The following COX10 variants were observed in gnomAD, a reference collection of about 807,000 sequenced individuals.
COX10 encodes the protein protoheme IX farnesyltransferase, mitochondrial.
In COX10, 27 loss-of-function variants were observed where a neutral mutation model predicts 37.3. That is an observed-to-expected ratio of 0.72 (90% CI 0.53 to 1.00). The LOEUF is 1.00. COX10 is among the 50% of genes least tolerant of loss of function. COX10 has a pLI of 0.00. For synonymous variants in COX10, 222 were observed against 229.1 expected (o/e 0.97, Z 0.28); for missense variants, 475 against 563.2 (o/e 0.84, Z 1.59).
rs1915856335 is a variant in COX10, at chr17:14,104,775, G to A, written c.624+2533G>A. 2.0e-5 allele frequency among the ~76,000 whole-genome samples: 3 copies of A among 152,044 alleles called. No homozygotes were observed. The South Asian group carries it at 6.2e-4, about 31-fold the overall frequency. ...AAAGCTGTTTTTACTTTTGTTTTAA[G>A]GAGAGAAAATGAAATTCAGCTTCTG... On this transcript the variant is annotated intron_variant, in intron 4 of 6. Transcript: ENST00000261643.
At chr17:14,203,827 T>A (rs1288035493) in intron 6 of COX10, among the ~76,000 whole-genome samples, 1 of 152,192 alleles carries the variant, frequency 6.6e-6, no homozygotes, top group Non-Finnish European at 1.5e-5. Flanking sequence ...ACTTAAAAGA[T>A]CCTCATTACC....
At chr17:14,199,945 G>C (rs1346603085) in intron 6 of COX10, among the ~76,000 whole-genome samples, 4 of 152,172 alleles carry the variant, frequency 2.6e-5, no homozygotes, top group Non-Finnish European at 5.9e-5. Context: ...GCCAGTCATG[G>C]AGCAGACGCG....
intron 4 of COX10, among the ~76,000 whole-genome samples, chr17:14,154,376 A>T (rs183178987): frequency 6.6e-5 from 10 of 152,326 alleles, no homozygotes; most frequent in Non-Finnish European, 1.0e-4. Flanking sequence ...TGACATTGCT[A>T]TGTTGTAAAA....
At chr17:14,192,309 C>A in intron 6 of COX10, 88 bp downstream of exon 6, 2 of 1,613,808 alleles carry the variant, frequency 1.2e-6, no homozygotes, top group South Asian at 1.1e-5. Context: ...GGTTCGATTC[C>A]ATTCCATCCC....
At chr17:14,086,410 A>G (rs951741829) in intron 3 of COX10, among the ~76,000 whole-genome samples, 31 of 152,098 alleles carry the variant, frequency 2.0e-4, no homozygotes, top group African/African-American at 7.2e-4. Flanking sequence ...TCTATTCACA[A>G]AGAGTTTGTG....
At chr17:14,096,515 A>G (rs1166277603) in intron 3 of COX10, among the ~76,000 whole-genome samples, 2 of 151,568 alleles carry the variant, frequency 1.3e-5, no homozygotes, top group Non-Finnish European at 2.9e-5. Context: ...GCTATGACTA[A>G]AGGCACATGC....
intron 6 of COX10, among the ~76,000 whole-genome samples, chr17:14,195,545 C>G (rs1052877662): frequency 6.6e-6 from 1 of 152,222 alleles, no homozygotes; most frequent in Non-Finnish European, 1.5e-5. Flanking sequence ...AGAATGTTCA[C>G]TTAGACCGTA....
At chr17:14,184,542 A>G (rs1597541495) in intron 5 of COX10, among the ~76,000 whole-genome samples, 1 of 152,244 alleles carries the variant, frequency 6.6e-6, no homozygotes, top group Non-Finnish European at 1.5e-5. Flanking sequence ...CACTTGCTCC[A>G]TCTTGCCCTT....
intron 3 of COX10, among the ~76,000 whole-genome samples, chr17:14,098,725 T>C (rs1915706339): frequency 6.6e-6 from 1 of 152,198 alleles, no homozygotes; most frequent in African/African-American, 2.4e-5. Context: ...ACTACTGTTT[T>C]CAGAGTCAGT....
chr17:14,197,444 C>T (rs1597547770), intron 6 of COX10, among the ~76,000 whole-genome samples: 1 of 152,266 alleles, frequency 6.6e-6, no homozygotes, highest in East Asian at 1.9e-4. Context: ...TTTCCCCCCA[C>T]AACTACTTTG....
intron 4 of COX10, among the ~76,000 whole-genome samples, chr17:14,114,485 T>C (rs2142208347): frequency 6.6e-6 from 1 of 152,212 alleles, no homozygotes; most frequent in South Asian, 2.1e-4. Context: ...TATAGGTTAG[T>C]ATAATAGTAA....
chr17:14,167,818 C>T lies in COX10; in HGVS notation c.695+7871C>T, dbSNP rs555160631. ...ACCGCCTCCCAGCAGGTCCCTCCCT[C>T]GACATATGAGAATTACAATTTGAGA... On this transcript the variant is annotated intron_variant, in intron 5 of 6. Coordinates refer to ENST00000261643, the MANE Select transcript of COX10 (RefSeq NM_001303.4). 1.4e-3 allele frequency among the ~76,000 whole-genome samples: 211 copies of T among 152,298 alleles called. 1 individual carries two copies. Among genetic ancestry groups the T allele is most frequent in the African/African-American group, 4.2e-3 (175 of 41,556 alleles).
intron 1 of COX10, among the ~76,000 whole-genome samples, chr17:14,071,717 C>T (rs537597603): frequency 8.7e-6 from 1 of 115,590 alleles, no homozygotes; most frequent in East Asian, 2.4e-4. Flanking sequence ...AATGCCTTCT[C>T]TACTAAAAAT....
intron 4 of COX10, among the ~76,000 whole-genome samples, chr17:14,119,762 A>G (rs949043852): frequency 6.6e-6 from 1 of 152,188 alleles, no homozygotes; most frequent in Non-Finnish European, 1.5e-5. Context: ...TGAGACAGAG[A>G]CAGAAAGGAG....
chr17:14,087,782 A>C (rs992254559), intron 3 of COX10, among the ~76,000 whole-genome samples: 3 of 151,150 alleles, frequency 2.0e-5, no homozygotes, highest in Non-Finnish European at 4.4e-5. Context: ...TCCTCTCTGC[A>C]TATGGTATGT....
intron 4 of COX10, among the ~76,000 whole-genome samples, chr17:14,138,249 T>C (rs1468915422): frequency 6.6e-6 from 1 of 152,082 alleles, no homozygotes; most frequent in Non-Finnish European, 1.5e-5. Context: ...AATCATGGAC[T>C]TTCCAGGTCA....
At chr17:14,201,248 T>C (rs2142269065) in intron 6 of COX10, among the ~76,000 whole-genome samples, 1 of 152,378 alleles carries the variant, frequency 6.6e-6, no homozygotes, top group Non-Finnish European at 1.5e-5. Context: ...CTAATTCAAG[T>C]CTTCCTGTTC....
chr17:14,186,042 A>C (rs1906015398), intron 5 of COX10, among the ~76,000 whole-genome samples: 1 of 152,226 alleles, frequency 6.6e-6, no homozygotes. Flanking sequence ...TGTTTCTCTC[A>C]ACGAAGCATT....
At chr17:14,173,781 ATTG>A (rs1905560481) in intron 5 of COX10, among the ~76,000 whole-genome samples, 2 of 146,446 alleles carry the variant, frequency 1.4e-5, no homozygotes, top group Admixed American at 1.3e-4. Context: ...TCACAATGTC[ATTG>A]TTTACATGGA....
Sources: gnomAD v4.1 joint callset for allele counts (sites outside exome capture counted in the v4.1 genomes callset) on GRCh38, gnomAD v4.1.1 for gene constraint, MANE v1.5 for transcripts, NCBI Gene and HGNC (gene_info 2026-07-23, HGNC 2026-07-21) for gene names.